Variants in TPTE2 observed in about 807,000 individuals in gnomAD.
The protein encoded by TPTE2 is phosphatidylinositol 3,4,5-trisphosphate 3-phosphatase TPTE2.
In TPTE2, 53 loss-of-function variants were observed where a neutral mutation model predicts 78.6. The observed-to-expected ratio is 0.67, with a 90% CI of 0.54 to 0.85. The LOEUF (loss-of-function observed/expected upper bound fraction) is 0.85, where lower values mean the gene tolerates loss of function less well. Ranked by LOEUF, TPTE2 falls within the 40% of genes least tolerant of loss-of-function variation. The probability of loss-of-function intolerance (pLI) is 0.00; values close to 1 mark genes in which losing one functional copy is unlikely to be tolerated. For missense variants in TPTE2, 461 were observed against 623.0 expected (o/e 0.74, Z 2.77); for synonymous variants, 175 against 206.2 (o/e 0.85, Z 1.30).
intron 6 of TPTE2, among the ~76,000 whole-genome samples, chr13:19,471,125 G>C (rs1879587909): frequency 6.6e-6 from 1 of 151,822 alleles, no homozygotes; most frequent in African/African-American, 2.4e-5. Context: ...TGCCAGGATG[G>C]TCTCTAGCTC....
intron 13 of TPTE2, chr13:19,438,484 C>T: frequency 1.0e-6 from 1 of 967,642 alleles, no homozygotes; most frequent in South Asian, 4.8e-5. Context: ...AAAATTCCCA[C>T]CTCATTTAGT....
At chr13:19,467,912 A>G (rs1299287407) in intron 6 of TPTE2, among the ~76,000 whole-genome samples, 2 of 133,492 alleles carry the variant, frequency 1.5e-5, no homozygotes, top group East Asian at 4.7e-4. Flanking sequence ...TTTTTTTTAG[A>G]GCCCCATAAT....
chr13:19,504,139 A>G (rs1868830034), upstream of TPTE2, among the ~76,000 whole-genome samples: 3 of 152,248 alleles, frequency 2.0e-5, no homozygotes, highest in South Asian at 4.2e-4. Flanking sequence ...TTAAATATAT[A>G]TATGTATCGT....
intron 1 of TPTE2, among the ~76,000 whole-genome samples, chr13:19,511,448 A>G (rs956060083): frequency 1.3e-5 from 2 of 152,238 alleles, no homozygotes; most frequent in Non-Finnish European, 2.9e-5. Flanking sequence ...ATTGTTGCAT[A>G]TATGCATATA....
chr13:19,529,371 C>G (rs559286606), intron 1 of TPTE2, among the ~76,000 whole-genome samples: 7 of 152,260 alleles, frequency 4.6e-5, no homozygotes, highest in Non-Finnish European at 7.4e-5. Context: ...AGGTGATCCG[C>G]CCGCCTCAGC....
chr13:19,497,229 G>T (rs1374076352), intron 1 of TPTE2, among the ~76,000 whole-genome samples: 2 of 147,536 alleles, frequency 1.4e-5, no homozygotes, highest in African/African-American at 4.9e-5. Context: ...GGGGAGGGGC[G>T]CCCGACATTG....
upstream of TPTE2, among the ~76,000 whole-genome samples, chr13:19,503,897 C>T (rs186096089): frequency 6.2e-4 from 95 of 152,238 alleles, no homozygotes; most frequent in Middle Eastern, 0.01. Context: ...CCCGCCACCA[C>T]GCCCGGCTAA....
At position 19,535,176 on chromosome 13, in the gene TPTE2, C is replaced by T. The variant is rs1871127817; in HGVS notation, c.-44+1420G>A. Among the ~76,000 whole-genome samples the T allele has an allele frequency of 6.6e-6, 1 of 151,358 alleles. No individual in the cohort carries two copies. The highest frequency in any genetic ancestry group is 1.5e-5 in the Non-Finnish European group (1 of 67,990). ...CTGAGATCACAAACTGCACTCTAGC[C>T]TGGGTGACAGAGTGAGATTCCTTCT... On this transcript the variant is annotated intron_variant, in intron 1 of 17. Transcript: ENST00000390680. The surrounding 1 kb of genome is among the most constrained non-coding windows in gnomAD (Gnocchi z 5.1).
intron 10 of TPTE2, 34 bp downstream of exon 13, chr13:19,464,422 G>C (rs374344080): frequency 8.2e-6 from 13 of 1,579,752 alleles, no homozygotes; most frequent in Non-Finnish European, 1.1e-5. Flanking sequence ...TACATTCACT[G>C]AGAAATGAGT....
intron 1 of TPTE2, among the ~76,000 whole-genome samples, chr13:19,520,896 G>T (rs555359695): frequency 6.6e-6 from 1 of 152,062 alleles, no homozygotes; most frequent in Non-Finnish European, 1.5e-5. Context: ...ATATATTGGT[G>T]AATTTCCCAA....
At chr13:19,546,193 A>C in the TPTE2 span, among the ~76,000 whole-genome samples, 2 of 151,830 alleles carry the variant, frequency 1.3e-5, no homozygotes, top group African/African-American at 4.8e-5. Context: ...GTGACACCAC[A>C]CCTCTTAAAA....
chr13:19,482,483 C>G lies in TPTE2; in HGVS notation c.179+5G>C. ...TCCCTCCTTTCAAACTTCAAACTGA[C>G]TTACTCATATGAAGCAACATTTTCA... On this transcript the variant is annotated splice_donor_5th_base_variant and intron_variant, in intron 4 of 19. Coordinates refer to ENST00000400230, the Ensembl canonical transcript of TPTE2. 6.2e-7 allele frequency: 1 copy of G among 1,612,094 alleles called. No homozygotes were observed. Among genetic ancestry groups the G allele is most frequent in the Non-Finnish European group, 8.5e-7 (1 of 1,178,958 alleles).
exon 16 of TPTE2, chr13:19,432,503 T>C (rs778094881): frequency 1.2e-6 from 2 of 1,606,396 alleles, no homozygotes; most frequent in African/African-American, 1.4e-5. Context: ...AATCTTTTTA[T>C]AAAGAGTATC....
At chr13:19,561,072 C>G in the TPTE2 span, 23 of 1,589,022 alleles carry the variant, frequency 1.4e-5, no homozygotes, top group Non-Finnish European at 1.8e-5. Flanking sequence ...CCGCCCTGCT[C>G]GCCAGGCCCA....
the TPTE2 span, among the ~76,000 whole-genome samples, chr13:19,556,224 G>A: frequency 0.014 from 2,074 of 152,166 alleles, 20 homozygotes; most frequent in Non-Finnish European, 0.021. Context: ...TGCAGTTTTT[G>A]CAATACAAGA....
chr13:19,450,023 T>C (rs1878073140), intron 13 of TPTE2, 53 bp downstream of exon 16: 2 of 1,591,688 alleles, frequency 1.3e-6, no homozygotes, highest in Non-Finnish European at 1.7e-6. Context: ...TTCTACTTTA[T>C]CTATATTTAC....
the TPTE2 span, among the ~76,000 whole-genome samples, chr13:19,553,337 C>T: frequency 6.6e-6 from 1 of 152,156 alleles, no homozygotes; most frequent in African/African-American, 2.4e-5. Flanking sequence ...CCAGTTACTG[C>T]TGCTGGGAAA....
chr13:19,552,189 C>A, the TPTE2 span, among the ~76,000 whole-genome samples: 1 of 152,156 alleles, frequency 6.6e-6, no homozygotes, highest in Non-Finnish European at 1.5e-5. Context: ...CAGTGTGAGA[C>A]TTTAAGAGTT....
chr13:19,448,880 T>G (rs1466820182), intron 13 of TPTE2, among the ~76,000 whole-genome samples: 1 of 152,212 alleles, frequency 6.6e-6, no homozygotes, highest in Admixed American at 6.5e-5. Flanking sequence ...ACCCAAGCTA[T>G]GGAGTCAATC....
Sources: allele counts gnomAD v4.1 joint callset (sites outside exome capture counted in the v4.1 genomes callset), GRCh38; gene constraint gnomAD v4.1.1; non-coding constraint Gnocchi (gnomAD v3.1); transcripts MANE v1.5; gene names NCBI Gene and HGNC (gene_info 2026-07-23, HGNC 2026-07-21).